The following AOPEP variants were observed in gnomAD, a reference collection of about 807,000 sequenced individuals.
AOPEP encodes the protein aminopeptidase O (putative).
A neutral mutation model predicts 98.1 loss-of-function variants in AOPEP; 77 were observed. The ratio of observed to expected loss-of-function variants is 0.78; its 90% CI spans 0.65 to 0.95. AOPEP has a LOEUF of 0.95. AOPEP is among the 40% of genes least tolerant of loss of function. AOPEP has a pLI of 0.00. For synonymous variants in AOPEP, 346 were observed against 365.3 expected, an observed-to-expected ratio of 0.95 and a Z score of 0.60; for missense variants, 1,024 against 1,024.7, an observed-to-expected ratio of 1.00 and a Z score of 0.01.
At chr9:95,080,219 C>G (rs1247651822) in intron 14 of AOPEP, among the ~76,000 whole-genome samples, 10 of 152,236 alleles carry the variant, frequency 6.6e-5, no homozygotes, top group Admixed American at 6.5e-4. Context: ...CTAATTAGCA[C>G]TGTGGTTTCT....
chr9:94,729,806 G>C (rs556408419), intron 1 of AOPEP, among the ~76,000 whole-genome samples: 1 of 152,226 alleles, frequency 6.6e-6, no homozygotes, highest in South Asian at 2.1e-4. Flanking sequence ...CCCCAATTGA[G>C]AACCACTGCC....
the AOPEP span, among the ~76,000 whole-genome samples, chr9:95,124,818 G>A: frequency 1.3e-5 from 2 of 152,176 alleles, no homozygotes; most frequent in South Asian, 2.1e-4. Flanking sequence ...AAGAAGAGCC[G>A]TCCTCCAGGG....
chr9:94,881,918 C>T (rs2047631542), intron 5 of AOPEP, among the ~76,000 whole-genome samples: 1 of 152,146 alleles, frequency 6.6e-6, no homozygotes. Context: ...AGGTTGGCTC[C>T]ATTCTGCAGC....
chr9:94,743,356 A>G (rs994254111), intron 1 of AOPEP, among the ~76,000 whole-genome samples: 1 of 152,204 alleles, frequency 6.6e-6, no homozygotes. Flanking sequence ...GTCAAGGAAA[A>G]TAAGGCCTGA....
chr9:94,976,268 T>C (rs2059833160), intron 10 of AOPEP, among the ~76,000 whole-genome samples: 1 of 151,800 alleles, frequency 6.6e-6, no homozygotes, highest in Non-Finnish European at 1.5e-5. Flanking sequence ...TTTTCAGTCT[T>C]CTCTGGTGAA....
chr9:94,797,907 T>A (rs1847373009), intron 4 of AOPEP, among the ~76,000 whole-genome samples: 1 of 152,128 alleles, frequency 6.6e-6, no homozygotes, highest in South Asian at 2.1e-4. Context: ...TTTTACCGTG[T>A]TGGCTAGGCT....
chr9:94,774,560 C>T (rs750897246), intron 3 of AOPEP, among the ~76,000 whole-genome samples: 6 of 151,788 alleles, frequency 4.0e-5, no homozygotes, highest in Non-Finnish European at 7.4e-5. Flanking sequence ...ATTTACAGGT[C>T]GTTAAATATT....
chr9:94,763,764 A>G (rs929705362), intron 2 of AOPEP, among the ~76,000 whole-genome samples: 3 of 152,220 alleles, frequency 2.0e-5, no homozygotes, highest in Non-Finnish European at 4.4e-5. Context: ...GGCCGTCCGA[A>G]AGAGCTCCTC....
chr9:94,949,014 A>T (rs182940034), intron 7 of AOPEP, among the ~76,000 whole-genome samples: 32 of 152,090 alleles, frequency 2.1e-4, no homozygotes, highest in Admixed American at 2.1e-3. Context: ...GTTCTCTGAA[A>T]ACCACCCTTA....
chr9:94,811,499 C>T (rs577538450), intron 5 of AOPEP, among the ~76,000 whole-genome samples: 2 of 152,280 alleles, frequency 1.3e-5, no homozygotes, highest in East Asian at 3.9e-4. Flanking sequence ...GGGCTCTCTC[C>T]ACTCCCCATC....
chr9:94,834,806 ATGCATG>A, intron 5 of AOPEP, among the ~76,000 whole-genome samples: 1 of 142,486 alleles, frequency 7.0e-6, no homozygotes, highest in East Asian at 2.0e-4. Context: ...GCATGCATGC[ATGCATG>A]CATACATACA....
intron 16 of AOPEP, chr9:95,085,577 A>T (rs780740283): frequency 6.6e-6 from 3 of 453,262 alleles, no homozygotes; most frequent in Non-Finnish European, 1.4e-5. Flanking sequence ...GCTGGGGCAG[A>T]GGCCGTTGCT....
At chr9:95,081,334 G>A (rs778265362) in intron 15 of AOPEP, among the ~76,000 whole-genome samples, 2 of 152,218 alleles carry the variant, frequency 1.3e-5, no homozygotes, top group Admixed American at 6.5e-5. Context: ...TCTGATGTCC[G>A]CAGTGTGTCA....
rs536020067 is a variant in AOPEP, at chr9:95,040,725, T to C, written c.2116-19969T>C. On this transcript the variant is annotated intron_variant, in intron 13 of 16. Transcript: ENST00000375315. ...AAGCTCCTGGAGGTGGGACCACACATGACAGAGCGACACCCAGCTTGTCCT... is the reference window on the plus strand; with the variant it reads ...AAGCTCCTGGAGGTGGGACCACACACGACAGAGCGACACCCAGCTTGTCCT... Among the ~76,000 whole-genome samples, 37 of 152,326 alleles carry C rather than the reference T, an allele frequency of 2.4e-4. 2 individuals carry two copies. In the South Asian group the frequency reaches 7.2e-3, roughly 30 times the overall value.
intron 11 of AOPEP, among the ~76,000 whole-genome samples, chr9:94,999,572 T>C (rs1290418825): frequency 6.6e-6 from 1 of 152,138 alleles, no homozygotes; most frequent in Non-Finnish European, 1.5e-5. Context: ...TTGTGATGGA[T>C]TTTATGGGGC....
rs76229607 is a variant in AOPEP at position 95,029,797 on chromosome 9, A to C, written c.2115+24181A>C. On this transcript the variant is annotated intron_variant, in intron 13 of 16. Transcript: ENST00000375315. ...ATTTATAATAACCAAATCTGTTAATATGAAATCCAGGTGATAGTCTGGCCT... is the reference window on the plus strand; with the variant it reads ...ATTTATAATAACCAAATCTGTTAATCTGAAATCCAGGTGATAGTCTGGCCT... 6.9e-3 allele frequency among the ~76,000 whole-genome samples: 1,047 copies of C among 152,326 alleles called. 10 individuals carry two copies. Among genetic ancestry groups the C allele is most frequent in the African/African-American group, 0.024 (994 of 41,566 alleles).
chr9:94,991,926 C>T (rs572107385), intron 11 of AOPEP, among the ~76,000 whole-genome samples: 1 of 152,226 alleles, frequency 6.6e-6, no homozygotes, highest in African/African-American at 2.4e-5. Context: ...TGGAAAGATA[C>T]AGCCATTCCT....
chr9:94,828,561 C>T (rs1326536408), intron 5 of AOPEP, among the ~76,000 whole-genome samples: 1 of 152,118 alleles, frequency 6.6e-6, no homozygotes, highest in Non-Finnish European at 1.5e-5. Flanking sequence ...CATAGTGTCT[C>T]AGGACCTGGG....
intron 5 of AOPEP, among the ~76,000 whole-genome samples, chr9:94,804,163 T>A (rs987680354): frequency 6.6e-6 from 1 of 152,182 alleles, no homozygotes; most frequent in Non-Finnish European, 1.5e-5. Context: ...ACTTACACTC[T>A]CTGTTATAAC....
Sources: allele counts gnomAD v4.1 joint callset (sites outside exome capture counted in the v4.1 genomes callset), GRCh38; gene constraint gnomAD v4.1.1; transcripts MANE v1.5; gene names NCBI Gene and HGNC (gene_info 2026-07-23, HGNC 2026-07-21).